DOCK1: variants seen among roughly 807,000 people sequenced by gnomAD.
The protein encoded by DOCK1 is dedicator of cytokinesis 1, also known as dedicator of cytokinesis protein 1.
In DOCK1, 138 loss-of-function variants were observed where a neutral mutation model predicts 262.7. The ratio of observed to expected loss-of-function variants is 0.53; its 90% confidence interval spans 0.46 to 0.61. The LOEUF (loss-of-function observed/expected upper bound fraction) is 0.61, where lower values mean the gene tolerates loss of function less well. Among genes scored for constraint, DOCK1 ranks in the 20% least tolerant of loss-of-function variants. The pLI is 0.00. For synonymous variants in DOCK1, 866 were observed against 867.4 expected, an observed-to-expected ratio of 1.00 and a Z score of 0.03; for missense variants, 1,908 against 2,370.7, an observed-to-expected ratio of 0.80 and a Z score of 4.05.
intron 23 of DOCK1, among the ~76,000 whole-genome samples, chr10:127,098,711 A>G (rs1425916124): frequency 6.6e-6 from 1 of 152,126 alleles, no homozygotes; most frequent in Admixed American, 6.5e-5. Context: ...GGTCCCCCAC[A>G]TGCATTCATA....
chr10:127,084,358 G>A (rs35100880), intron 23 of DOCK1, among the ~76,000 whole-genome samples: 24,022 of 152,148 alleles, frequency 0.16, 2,283 homozygotes, highest in African/African-American at 0.26. Context: ...ACCAGCAAGC[G>A]GTTCTCATTC....
rs920479039 is a variant in DOCK1, at chr10:126,949,280, G to A, written c.47-21422G>A. Among the ~76,000 whole-genome samples, 4 of 152,226 alleles carry A rather than the reference G, an allele frequency of 2.6e-5. No homozygotes were observed. The South Asian group carries it at 6.2e-4, about 24-fold the overall frequency. On this transcript the variant is annotated intron_variant, in intron 1 of 51. Coordinates refer to ENST00000623213, the MANE Select transcript of DOCK1 (RefSeq NM_001290223.2). ...CTCTCCCTGTGGGGAATGGGGAGCC[G>A]CAGGACAGCCCCTAAGCTGTCTAGT...
chr10:127,023,397 C>T, intron 14 of DOCK1, 73 bp downstream of exon 14: 1 of 1,590,342 alleles, frequency 6.3e-7, no homozygotes. Context: ...GGCTCTGCTA[C>T]AGCATAGATG....
chr10:127,264,751 A>G (rs1424162050), intron 29 of DOCK1, among the ~76,000 whole-genome samples: 1 of 151,778 alleles, frequency 6.6e-6, no homozygotes, highest in African/African-American at 2.4e-5. Context: ...GCCTTTAACT[A>G]CTGGGTTCAA....
Position 126,995,652 on chromosome 10 carries a change from G to A in DOCK1, c.474-1096G>A, listed in dbSNP as rs920074080. On this transcript the variant is annotated intron_variant, in intron 6 of 51. Transcript: ENST00000623213. This position sits in a 1 kb window ranked among gnomAD's most constrained non-coding sequence, Gnocchi z 5.8. ...GTGGAGAGAGAGGGAGAGGGAGACC[G>A]TGGAGAGGGAGAGGGAGACCGTGGA... Among the ~76,000 whole-genome samples the A allele has an allele frequency of 7.1e-6, 1 of 140,078 alleles. No homozygotes were observed. Among genetic ancestry groups the A allele is most frequent in the Admixed American group, 7.6e-5 (1 of 13,120 alleles). 91.9% of individuals were successfully genotyped at this position (140,078 alleles called of 152,430 possible).
At chr10:127,334,945 A>G (rs2063130770) in intron 29 of DOCK1, among the ~76,000 whole-genome samples, 1 of 152,158 alleles carries the variant, frequency 6.6e-6, no homozygotes, top group Non-Finnish European at 1.5e-5. Context: ...CCACCGCAGA[A>G]AACCTACACG....
chr10:126,988,434 T>C (rs1241323018), intron 5 of DOCK1: 1 of 152,242 alleles, frequency 6.6e-6, no homozygotes, highest in Non-Finnish European at 1.5e-5. Context: ...TTTTTGATTA[T>C]ACAGTGGTTT....
chr10:127,173,919 G>A (rs1348859608), intron 27 of DOCK1, among the ~76,000 whole-genome samples: 3 of 152,194 alleles, frequency 2.0e-5, no homozygotes, highest in African/African-American at 7.2e-5. Context: ...TTGCTTAAGA[G>A]CATCAAGCTG....
chr10:127,170,092 C>A (rs1183226499), intron 27 of DOCK1, among the ~76,000 whole-genome samples: 1 of 151,780 alleles, frequency 6.6e-6, no homozygotes, highest in Non-Finnish European at 1.5e-5. Flanking sequence ...TGAACAGAAC[C>A]CCTGCTGACA....
chr10:126,941,144 G>A (rs1295377472), intron 1 of DOCK1, among the ~76,000 whole-genome samples: 4 of 152,244 alleles, frequency 2.6e-5, no homozygotes, highest in African/African-American at 4.8e-5. Context: ...TTTATCTGCC[G>A]TGCAGTGTTA....
intron 25 of DOCK1, among the ~76,000 whole-genome samples, chr10:127,111,345 A>G (rs1032212217): frequency 1.9e-4 from 29 of 152,340 alleles, no homozygotes; most frequent in African/African-American, 6.3e-4. Context: ...CTAGAAAAAA[A>G]CACATCAAAC....
At chr10:127,090,297 G>T (rs558936833) in intron 23 of DOCK1, among the ~76,000 whole-genome samples, 1 of 152,248 alleles carries the variant, frequency 6.6e-6, no homozygotes, top group African/African-American at 2.4e-5. Flanking sequence ...ATAGACTGAG[G>T]CTCCATCATG....
intron 1 of DOCK1, among the ~76,000 whole-genome samples, chr10:126,915,381 G>C (rs2032343229): frequency 6.7e-6 from 1 of 149,276 alleles, no homozygotes; most frequent in Non-Finnish European, 1.5e-5. Flanking sequence ...GGTATACCAA[G>C]CCCGAGAGCA....
chr10:126,947,535 C>T (rs2035582495), intron 1 of DOCK1, among the ~76,000 whole-genome samples: 1 of 104,820 alleles, frequency 9.5e-6, no homozygotes, highest in Non-Finnish European at 1.9e-5. Flanking sequence ...GGTAGTATTA[C>T]TGTTGGTGGT....
intron 25 of DOCK1, among the ~76,000 whole-genome samples, chr10:127,114,557 G>T (rs2049055129): frequency 6.6e-6 from 1 of 152,046 alleles, no homozygotes; most frequent in Non-Finnish European, 1.5e-5. Context: ...ATTTGCATCT[G>T]ATCTAATCAT....
At chr10:127,171,307 C>T (rs2054547984) in intron 27 of DOCK1, among the ~76,000 whole-genome samples, 1 of 152,230 alleles carries the variant, frequency 6.6e-6, no homozygotes, top group African/African-American at 2.4e-5. Flanking sequence ...CAGGGAAGCA[C>T]TTGCCTGACA....
chr10:127,344,543 C>G (rs2063550771), intron 31 of DOCK1: 1 of 152,176 alleles, frequency 6.6e-6, no homozygotes, highest in South Asian at 2.1e-4. Flanking sequence ...TCTGCAATAT[C>G]TCGACTGTTC....
intron 27 of DOCK1, among the ~76,000 whole-genome samples, chr10:127,243,012 A>C (rs966251799): frequency 5.5e-4 from 83 of 152,162 alleles, no homozygotes; most frequent in African/African-American, 1.6e-3. Context: ...AGAACGTTAA[A>C]ATTTCTGCCT....
intron 21 of DOCK1, among the ~76,000 whole-genome samples, chr10:127,051,977 T>C (rs1323569105): frequency 2.0e-5 from 3 of 152,184 alleles, no homozygotes; most frequent in African/African-American, 7.2e-5. Context: ...AAAAAAATTT[T>C]TGTGTCTCTG....
Sources: gnomAD v4.1 joint callset for allele counts (sites outside exome capture counted in the v4.1 genomes callset) on GRCh38, gnomAD v4.1.1 for gene constraint, Gnocchi (gnomAD v3.1) non-coding constraint, MANE v1.5 for transcripts, NCBI Gene and HGNC (gene_info 2026-07-23, HGNC 2026-07-21) for gene names.